SHF: variants seen among roughly 807,000 people sequenced by gnomAD.
The protein encoded by SHF is SH2 domain-containing adapter protein F.
Under a neutral mutation model 42.4 loss-of-function variants are expected in SHF, and 30 were observed. That is an observed-to-expected ratio of 0.71 (90% CI 0.53 to 0.96). The LOEUF (loss-of-function observed/expected upper bound fraction) is 0.96. Ranked by LOEUF, SHF falls within the 40% of genes least tolerant of loss-of-function variation. SHF has a pLI of 0.00. For missense variants in SHF, 598 were observed against 634.0 expected (o/e 0.94, Z 0.61); for synonymous variants, 264 against 269.9 (o/e 0.98, Z 0.21).
chr15:45,186,161 C>A (rs139372161), intron 1 of SHF, among the ~76,000 whole-genome samples: 2 of 152,380 alleles, frequency 1.3e-5, no homozygotes. Context: ...AGCAGACGAG[C>A]ACAGCCTTGG....
At chr15:45,185,040 C>T (rs542886034) in intron 1 of SHF, among the ~76,000 whole-genome samples, 23 of 152,246 alleles carry the variant, frequency 1.5e-4, no homozygotes, top group African/African-American at 4.8e-4. Flanking sequence ...CCCATACTAA[C>T]TGGGTTTCTG....
At chr15:45,181,788 TG>T (rs1307889755) in intron 1 of SHF, among the ~76,000 whole-genome samples, 1 of 152,206 alleles carries the variant, frequency 6.6e-6, no homozygotes, top group Non-Finnish European at 1.5e-5. Context: ...AAAGGACCTT[TG>T]GGGAAGACAC....
chr15:45,197,991 A>G (rs372248228), intron 2 of SHF, among the ~76,000 whole-genome samples: 2 of 152,368 alleles, frequency 1.3e-5, no homozygotes, highest in East Asian at 3.9e-4. Context: ...ATTGGTGGAT[A>G]GGGTGAAAAA....
chr15:45,183,392 C>G (rs1340573879), intron 1 of SHF, among the ~76,000 whole-genome samples: 1 of 151,910 alleles, frequency 6.6e-6, no homozygotes, highest in African/African-American at 2.4e-5. Context: ...ATGTTAGCCA[C>G]TATATTATTA....
At chr15:45,188,040 G>C (rs994865905), upstream of SHF, 34 of 396,574 alleles carry the variant, frequency 8.6e-5, no homozygotes, top group African/African-American at 6.9e-4. Flanking sequence ...CGCCGGGCGG[G>C]GAGGGGGCGG....
At chr15:45,168,950 C>T (rs909840886) in intron 6 of SHF, among the ~76,000 whole-genome samples, 3 of 152,210 alleles carry the variant, frequency 2.0e-5, no homozygotes, top group African/African-American at 7.2e-5. Context: ...CATGAGAGGG[C>T]ATGGGAGTGA....
chr15:45,196,535 GCATTT>G (rs1008696954), intron 2 of SHF, among the ~76,000 whole-genome samples: 3 of 152,146 alleles, frequency 2.0e-5, no homozygotes, highest in Admixed American at 1.3e-4. Flanking sequence ...GTCCTTCCTA[GCATTT>G]CATCGAAGCC....
intron 1 of SHF, among the ~76,000 whole-genome samples, chr15:45,179,049 A>G (rs750436389): frequency 1.3e-5 from 2 of 152,244 alleles, no homozygotes; most frequent in Non-Finnish European, 2.9e-5. Flanking sequence ...TAGTGAGACA[A>G]CTCAGAGATT....
intron 5 of SHF, 35 bp downstream of exon 5, chr15:45,172,112 G>A (rs759539507): frequency 6.2e-7 from 1 of 1,613,844 alleles, no homozygotes; most frequent in East Asian, 2.2e-5. Flanking sequence ...GGGGAGGAGT[G>A]GGGAGGGAGT....
intron 2 of SHF, chr15:45,198,741 C>A (rs371400316): frequency 1.9e-6 from 3 of 1,592,782 alleles, no homozygotes; most frequent in South Asian, 1.1e-5. Flanking sequence ...TAGGCCTTCC[C>A]AGTTTGCGCG....
intron 4 of SHF, among the ~76,000 whole-genome samples, chr15:45,172,981 G>A (rs959678569): frequency 1.3e-5 from 2 of 152,118 alleles, no homozygotes; most frequent in Non-Finnish European, 2.9e-5. Context: ...GCACACATGC[G>A]CACGTGCACG....
rs1396149241 is a variant in SHF at position 45,187,956 on chromosome 15, C to T, written c.-5G>A. 8 of 1,172,460 alleles carry T rather than the reference C, an allele frequency of 6.8e-6. No homozygotes were observed. The highest frequency in any genetic ancestry group is 8.4e-6 in the Non-Finnish European group (8 of 949,966). 72.6% of individuals were successfully genotyped at this position (1,172,460 alleles called of 1,614,324 possible). On this transcript the variant is annotated 5_prime_UTR_variant, in exon 1 of 7. Coordinates refer to ENST00000690270, the MANE Select transcript of SHF (RefSeq NM_001394037.1). ...AGGAGCTCCGCTCAGTAACATGGGG[C>T]CAGCCAGACTGAGCGAGGGGAGCGC...
At chr15:45,174,023 CAAA>C in intron 3 of SHF, among the ~76,000 whole-genome samples, 1 of 152,138 alleles carries the variant, frequency 6.6e-6, no homozygotes, top group African/African-American at 2.4e-5. Flanking sequence ...CTCCAGGGCC[CAAA>C]GGTACCAGGA....
In SHF at chr15:45,172,200, G is replaced by A. The variant is rs1269920466; in HGVS notation, c.1107C>T (p.Pro369=). 2.6e-5 allele frequency: 42 copies of A among 1,613,802 alleles called. No individual in the cohort carries two copies. Among genetic ancestry groups the A allele is most frequent in the Non-Finnish European group, 3.2e-5 (38 of 1,179,858 alleles). ...PKSAKPLSME[P]SSPLGEWTDP... is the part of the protein sequence containing the mutation. ...CTGTCCACTCCCCCAGGGGGCTGCT[G>A]GGCTCCATGCTTAGGGGTTTGGCTG... Residue 369 remains proline, a synonymous_variant, in exon 5 of 7, where the codon CCC becomes CCT. Coordinates refer to ENST00000690270, the MANE Select transcript of SHF (RefSeq NM_001394037.1).
chr15:45,175,485 T>G lies in SHF; in HGVS notation c.641-60A>C. ...TTCAGCCTTGGCTTTCTGGCTCCCC[T>G]CCTCCAATGCTTCTCAGCAACAAGC... is the stretch of plus-strand genomic sequence containing the variant. On this transcript the variant is annotated intron_variant, in intron 2 of 6. Coordinates refer to ENST00000690270, the MANE Select transcript of SHF (RefSeq NM_001394037.1). 4.0e-6 allele frequency: 6 copies of G among 1,512,324 alleles called. No individual in the cohort carries two copies. In the South Asian group the frequency reaches 6.0e-5, roughly 15 times the overall value. The allele number at this position is 1,512,324 out of a possible 1,614,324, so 93.7% of individuals were successfully genotyped here. A position where few individuals can be genotyped will look rare whatever the true frequency, so the allele number is the denominator to read the frequency against.
exon 2 of SHF, chr15:45,199,063 C>T: frequency 6.3e-7 from 1 of 1,590,562 alleles, no homozygotes; most frequent in Non-Finnish European, 8.6e-7. Flanking sequence ...CGGGTCCTCC[C>T]TCCTGCTGCA....
intron 2 of SHF, among the ~76,000 whole-genome samples, 181 bp downstream of exon 2, chr15:45,177,984 G>A (rs753181438): frequency 1.3e-5 from 2 of 152,196 alleles, no homozygotes; most frequent in Non-Finnish European, 1.5e-5. Context: ...AGGTCTCACA[G>A]GTCACAGCTG....
chr15:45,168,718 ACT>A, intron 6 of SHF, among the ~76,000 whole-genome samples: 2 of 151,752 alleles, frequency 1.3e-5, no homozygotes, highest in African/African-American at 4.8e-5. Context: ...ATATCCCTTC[ACT>A]CTCTTGCTTT....
chr15:45,182,579 T>C (rs1316412050), intron 1 of SHF, among the ~76,000 whole-genome samples: 1 of 152,234 alleles, frequency 6.6e-6, no homozygotes, highest in East Asian at 1.9e-4. Context: ...GCCTCCTGAC[T>C]TGTAGTATGT....
Sources: gnomAD v4.1 joint callset for allele counts (sites outside exome capture counted in the v4.1 genomes callset) on GRCh38, gnomAD v4.1.1 for gene constraint, MANE v1.5 for transcripts, NCBI Gene and HGNC (gene_info 2026-07-23, HGNC 2026-07-21) for gene names.